PLCG2: variants seen among roughly 807,000 people sequenced by gnomAD.
PLCG2 encodes 1-phosphatidylinositol 4,5-bisphosphate phosphodiesterase gamma-2.
Under a neutral mutation model 175.6 loss-of-function variants are expected in PLCG2, and 69 were observed. The observed-to-expected ratio is 0.39, with a 90% confidence interval of 0.32 to 0.48. The LOEUF is 0.48. PLCG2 is among the 20% of genes least tolerant of loss of function. PLCG2 has a pLI of 0.91. For missense variants in PLCG2, 1,798 were observed against 1,650.9 expected, an observed-to-expected ratio of 1.09 and a Z score of -1.54; for synonymous variants, 827 against 624.0, an observed-to-expected ratio of 1.33 and a Z score of -4.85.
At chr16:81,895,635 C>T (rs965521077) in intron 12 of PLCG2, 172 bp from the exon 13 acceptor site, 33 of 629,636 alleles carry the variant, frequency 5.2e-5, no homozygotes, top group African/African-American at 1.6e-4. Context: ...ATTATGTAAG[C>T]GCACAGGGAA....
intron 2 of PLCG2, among the ~76,000 whole-genome samples, chr16:81,768,560 T>TG (rs1334240239): frequency 1.8e-5 from 1 of 56,762 alleles, no homozygotes; most frequent in Non-Finnish European, 3.9e-5. Flanking sequence ...CAGTTTTTTT[T>TG]TTTTTTTTTT....
chr16:81,953,031 C>A (rs953437913), intron 31 of PLCG2, among the ~76,000 whole-genome samples: 1 of 152,208 alleles, frequency 6.6e-6, no homozygotes, highest in African/African-American at 2.4e-5. Flanking sequence ...GGGTACATTG[C>A]TTCTGTGACA....
At chr16:81,919,178 G>T (rs1418364550) in intron 19 of PLCG2, among the ~76,000 whole-genome samples, 1 of 152,146 alleles carries the variant, frequency 6.6e-6, no homozygotes, top group Non-Finnish European at 1.5e-5. Context: ...GCCTACTCTT[G>T]ACCTAGTTCC....
intron 31 of PLCG2, among the ~76,000 whole-genome samples, chr16:81,954,327 A>ATTCTT (rs202192451): frequency 2.0e-5 from 3 of 152,012 alleles, no homozygotes; most frequent in African/African-American, 7.3e-5. Flanking sequence ...CGGCGACTTG[A>ATTCTT]TTCTTTTCTT....
intron 2 of PLCG2, among the ~76,000 whole-genome samples, chr16:81,760,186 C>G (rs1286121426): frequency 1.3e-5 from 2 of 152,122 alleles, no homozygotes; most frequent in Non-Finnish European, 1.5e-5. Context: ...TGGAGAGTCT[C>G]CAGGAGGGCA....
chr16:81,878,975 G>T (rs35454747), intron 7 of PLCG2, among the ~76,000 whole-genome samples: 13,553 of 152,164 alleles, frequency 0.089, 620 homozygotes, highest in Middle Eastern at 0.11. Flanking sequence ...TGTCCGGGCA[G>T]GGAGTTGCAA....
At chr16:81,935,294 G>C (rs1196157033) in intron 26 of PLCG2, among the ~76,000 whole-genome samples, 1 of 151,960 alleles carries the variant, frequency 6.6e-6, no homozygotes, top group Non-Finnish European at 1.5e-5. Flanking sequence ...TGATGCATTA[G>C]GTCCACCTGG....
Position 81,908,783 on chromosome 16 carries a change from T to A in PLCG2, c.1733+192T>A, listed in dbSNP as rs535123548. 4.6e-5 allele frequency among the ~76,000 whole-genome samples: 7 copies of A among 152,226 alleles called. No homozygotes were observed. The East Asian group carries it at 1.4e-3, about 29-fold the overall frequency. On this transcript the variant is annotated intron_variant, in intron 17 of 32. Transcript: ENST00000564138. The stretch of plus-strand genomic sequence containing the variant: ...CTCACTTCGGCACTGTAACCCAGAT[T>A]AATGAGATTTCAGGGCAATCTTTTA...
intron 31 of PLCG2, among the ~76,000 whole-genome samples, chr16:81,952,003 G>A (rs1004660907): frequency 3.3e-5 from 5 of 152,112 alleles, no homozygotes; most frequent in Non-Finnish European, 5.9e-5. Context: ...AACCACTTCT[G>A]TCTGTTCTAG....
chr16:81,780,150 G>A (rs1328212491), intron 1 of PLCG2, among the ~76,000 whole-genome samples: 3 of 152,284 alleles, frequency 2.0e-5, no homozygotes, highest in African/African-American at 7.2e-5. Flanking sequence ...AAACTATGGG[G>A]GGCGGGGTGG....
rs772556319 is a variant in PLCG2 at position 81,766,575 on chromosome 16, C to T, written c.-48+10609C>T. ...ACACAAAAACCCAGCCCTTCCTCCC[C>T]CATTATATTCATCTGCTCTGCTAAA... is the stretch of plus-strand genomic sequence containing the variant. On this transcript the variant is annotated intron_variant, in intron 2 of 5. Coordinates refer to the PLCG2 transcript ENST00000565054. The T allele has an allele frequency of 7.8e-5, 12 of 152,960 alleles. 1 individual carries two copies. The highest frequency in any genetic ancestry group is 2.4e-4 in the African/African-American group (10 of 41,574). 9.5% of individuals were successfully genotyped at this position (152,960 alleles called of 1,614,324 possible).
At chr16:81,792,480 CAAAAAAAAAAAAAAAAAA>C (rs532680550) in intron 2 of PLCG2, among the ~76,000 whole-genome samples, 2 of 70,164 alleles carry the variant, frequency 2.9e-5, no homozygotes, top group Non-Finnish European at 4.9e-5. Flanking sequence ...GGCTCTGTCT[CAAAAAAAAAAAAAAAAAA>C]AAAAAAAAAA....
chr16:81,764,621 G>C (rs1329108433), intron 2 of PLCG2, among the ~76,000 whole-genome samples: 1 of 152,234 alleles, frequency 6.6e-6, no homozygotes, highest in African/African-American at 2.4e-5. Flanking sequence ...AGCTGTGTCA[G>C]AGGACTTTGG....
Position 81,900,686 on chromosome 16 carries a change from A to G in PLCG2, c.1268A>G (p.Glu423Gly), listed in dbSNP as rs772847758. The change falls in exon 14 of 33, where the codon GAA (glutamate) becomes GGA (glycine). Residue 423 changes from glutamate (E) to glycine (G), a missense_variant. Transcript: ENST00000564138. Reference sequence around the variant, plus strand: ...CGTCACATGGCCAAGGCCTTCAAGGAAGTATTTGGCGACCTGCTGTTGACG... The same window carrying G: ...CGTCACATGGCCAAGGCCTTCAAGGGAGTATTTGGCGACCTGCTGTTGACG... Reference protein sequence around the residue: ...QQRHMAKAFKEVFGDLLLTKP... With the variant: ...QQRHMAKAFKGVFGDLLLTKP... 6.2e-7 allele frequency: 1 copy of G among 1,613,336 alleles called. No homozygotes were observed. Among genetic ancestry groups the G allele is most frequent in the Admixed American group, 1.7e-5 (1 of 60,008 alleles).
rs559229079 is a variant in PLCG2 at position 81,873,579 on chromosome 16, C to T, written c.648+2644C>T. ...TTTTTTTTTTTTTAATAATAGTTTA[C>T]CTTGAAATTTCAAGATGCTGTGTTG... On this transcript the variant is annotated intron_variant, in intron 7 of 32. Transcript: ENST00000564138. 9.9e-5 allele frequency among the ~76,000 whole-genome samples: 15 copies of T among 151,540 alleles called. 1 individual carries two copies. The highest frequency in any genetic ancestry group is 3.6e-4 in the African/African-American group (15 of 41,292).
At chr16:81,881,206 C>T (rs753606420) in intron 8 of PLCG2, among the ~76,000 whole-genome samples, 4 of 151,522 alleles carry the variant, frequency 2.6e-5, no homozygotes, top group Non-Finnish European at 5.9e-5. Context: ...TCAGGGCCTC[C>T]TTTCCCCGAA....
chr16:81,837,640 G>A (rs988047924), intron 2 of PLCG2, among the ~76,000 whole-genome samples: 3 of 150,680 alleles, frequency 2.0e-5, no homozygotes, highest in Non-Finnish European at 4.4e-5. Flanking sequence ...TTCCCTTTCC[G>A]TCTTCCTGAT....
chr16:81,943,997 G>A (rs899406754), intron 30 of PLCG2, among the ~76,000 whole-genome samples: 4 of 152,094 alleles, frequency 2.6e-5, no homozygotes, highest in African/African-American at 9.7e-5. Flanking sequence ...AACAAAAGAG[G>A]ACAAATTTAG....
At chr16:81,742,373 G>A (rs963336409) in intron 1 of PLCG2, among the ~76,000 whole-genome samples, 2 of 152,140 alleles carry the variant, frequency 1.3e-5, no homozygotes, top group Non-Finnish European at 2.9e-5. Context: ...GTTGAGGATG[G>A]TGCTGCTTCA....
Sources: allele counts gnomAD v4.1 joint callset (sites outside exome capture counted in the v4.1 genomes callset), GRCh38; gene constraint gnomAD v4.1.1; transcripts MANE v1.5; gene names NCBI Gene and HGNC (gene_info 2026-07-23, HGNC 2026-07-21).